Variants in SNX29 observed in about 807,000 individuals in gnomAD.
The protein encoded by SNX29 is sorting nexin-29.
Under a neutral mutation model 102.1 loss-of-function variants are expected in SNX29, and 78 were observed. The ratio of observed to expected loss-of-function variants is 0.76; its 90% CI spans 0.64 to 0.92. SNX29 has a LOEUF of 0.92. Ranked by LOEUF, SNX29 falls within the 40% of genes least tolerant of loss-of-function variation. The pLI is 0.00. For synonymous variants in SNX29, 580 were observed against 414.5 expected (o/e 1.40, Z -4.85); for missense variants, 1,280 against 1,061.7 (o/e 1.21, Z -2.86).
At chr16:12,154,560 A>G (rs567417222) in intron 13 of SNX29, among the ~76,000 whole-genome samples, 4 of 152,144 alleles carry the variant, frequency 2.6e-5, no homozygotes, top group East Asian at 1.9e-4. Context: ...CCCGTCTCCA[A>G]CTCTTCATCC....
In SNX29 at chr16:12,572,603, T is replaced by TG. The variant is rs1369239000; in HGVS notation, c.*3974_*3975insG. On this transcript the variant is annotated 3_prime_UTR_variant, in exon 21 of 21. Transcript: ENST00000566228. ...TTCTCTGGGCTCCCAGTGAGCCCCC[T>TG]CCCCTCCGGCTACCCCCAGAATCCA... 1 of 1,064,156 alleles carries TG rather than the reference T, an allele frequency of 9.4e-7. No individual in the cohort carries two copies. Among genetic ancestry groups the TG allele is most frequent in the Non-Finnish European group, 1.1e-6 (1 of 878,568 alleles). The allele number at this position is 1,064,156 out of a possible 1,614,324, so 65.9% of individuals were successfully genotyped here. A position where few individuals can be genotyped will look rare whatever the true frequency, so the allele number is the denominator to read the frequency against.
intron 18 of SNX29, among the ~76,000 whole-genome samples, chr16:12,422,888 G>A (rs573927910): frequency 3.9e-5 from 6 of 152,308 alleles, no homozygotes; most frequent in Admixed American, 3.3e-4. Flanking sequence ...GGTGGTGTAC[G>A]GAGATAGGCT....
intron 18 of SNX29, among the ~76,000 whole-genome samples, chr16:12,427,919 C>G (rs1050495202): frequency 1.3e-5 from 2 of 152,212 alleles, no homozygotes; most frequent in African/African-American, 4.8e-5. Context: ...CACTTAAACT[C>G]CAATTTAGCA....
intron 16 of SNX29, among the ~76,000 whole-genome samples, chr16:12,391,684 A>G (rs1176798057): frequency 6.6e-6 from 1 of 152,028 alleles, no homozygotes; most frequent in African/African-American, 2.4e-5. Flanking sequence ...GATGCATTTC[A>G]TAGTAAATTG....
intron 11 of SNX29, 59 bp downstream of exon 11, chr16:12,078,974 T>C (rs2151339709): frequency 7.0e-7 from 1 of 1,431,832 alleles, no homozygotes; most frequent in East Asian, 2.5e-5. Context: ...CCACGTCTCA[T>C]GGCGGTGCCT....
In SNX29 at chr16:12,573,862, C is replaced by A. The variant is rs140961090; in HGVS notation, c.*5233C>A. 4.7e-6 allele frequency: 1 copy of A among 210,528 alleles called. No homozygotes were observed. Among genetic ancestry groups the A allele is most frequent in the Non-Finnish European group, 9.6e-6 (1 of 103,722 alleles). The allele number at this position is 210,528 out of a possible 1,614,324, so 13.0% of individuals were successfully genotyped here. A position where few individuals can be genotyped will look rare whatever the true frequency, so the allele number is the denominator to read the frequency against. On this transcript the variant is annotated 3_prime_UTR_variant, in exon 21 of 21. Transcript: ENST00000566228. The stretch of plus-strand genomic sequence containing the variant: ...GGACTCATCCTAAGAAGAATGTTGG[C>A]CTCTCTTCATCCCTGGCTTAGCCGT...
intron 19 of SNX29, among the ~76,000 whole-genome samples, chr16:12,507,164 C>T (rs2089415599): frequency 6.6e-6 from 1 of 152,192 alleles, no homozygotes; most frequent in African/African-American, 2.4e-5. Context: ...CTTTCTGAGG[C>T]TGTAGACCTG....
chr16:12,299,232 G>A (rs754542290), intron 15 of SNX29, among the ~76,000 whole-genome samples: 3 of 152,088 alleles, frequency 2.0e-5, no homozygotes, highest in African/African-American at 4.8e-5. Context: ...CCCAGGAGAC[G>A]GAGGTTGCAG....
Position 12,568,524 on chromosome 16 carries a change from A to C in SNX29, c.2337A>C (p.Gly779=), listed in dbSNP as rs754692583. ...MPFFVDITPP[G]EPVNSRPKAA... ...CTTTCAGCGACATCACCCCGCCCGGAGAGCCTGTGAACAGCCGGCCCAAAG... is the reference window on the plus strand; with the variant it reads ...CTTTCAGCGACATCACCCCGCCCGGCGAGCCTGTGAACAGCCGGCCCAAAG... Residue 779 remains glycine (G), a synonymous_variant, in exon 21 of 21, where the codon GGA becomes GGC. Transcript: ENST00000566228. 1.9e-6 allele frequency: 3 copies of C among 1,609,818 alleles called. No individual in the cohort carries two copies. The highest frequency in any genetic ancestry group is 1.3e-5 in the African/African-American group (1 of 74,900).
At chr16:12,043,784 C>G (rs368275072) in intron 5 of SNX29, among the ~76,000 whole-genome samples, 1 of 152,052 alleles carries the variant, frequency 6.6e-6, no homozygotes, top group East Asian at 1.9e-4. Flanking sequence ...GACGGAGCCT[C>G]ACTCTTTTGC....
intron 20 of SNX29, among the ~76,000 whole-genome samples, chr16:12,564,567 T>TA (rs767902464): frequency 2.6e-5 from 4 of 152,184 alleles, no homozygotes; most frequent in Non-Finnish European, 4.4e-5. Context: ...TTCTTATGGA[T>TA]TGCCATCCAG....
Position 12,149,241 on chromosome 16 carries a change from CAGG to C in SNX29, c.1595+19486_1595+19488del, listed in dbSNP as rs771325604. 1.5e-3 allele frequency among the ~76,000 whole-genome samples: 223 copies of C among 152,318 alleles called. 1 individual carries two copies. Among genetic ancestry groups the C allele is most frequent in the Non-Finnish European group, 2.8e-3 (189 of 68,034 alleles). ...GTTCTTGGCAGCAGGAAGGGTAAAG[CAGG>C]AGAAGGGGAGAAAGTGTGTGCCAAC... is the stretch of plus-strand genomic sequence containing the variant. On this transcript the variant is annotated intron_variant, in intron 13 of 20. Coordinates refer to ENST00000566228, the MANE Select transcript of SNX29 (RefSeq NM_032167.5).
intron 18 of SNX29, among the ~76,000 whole-genome samples, chr16:12,404,545 G>A (rs2084087906): frequency 6.6e-6 from 1 of 151,984 alleles, no homozygotes; most frequent in Admixed American, 6.6e-5. Flanking sequence ...ATTGTCGTTA[G>A]GTTTTGTTTT....
intron 20 of SNX29, chr16:12,557,228 G>C (rs1157868922): frequency 6.6e-6 from 1 of 152,216 alleles, no homozygotes; most frequent in African/African-American, 2.4e-5. Context: ...TACGAATTTG[G>C]GAAGCTTTAC....
At chr16:12,552,410 G>T (rs942183109) in intron 20 of SNX29, among the ~76,000 whole-genome samples, 2 of 152,222 alleles carry the variant, frequency 1.3e-5, no homozygotes, top group East Asian at 3.9e-4. Flanking sequence ...CAGTGGTGAG[G>T]ACGTGGTCAG....
intron 15 of SNX29, among the ~76,000 whole-genome samples, chr16:12,281,800 G>T (rs1218211847): frequency 6.6e-6 from 1 of 152,108 alleles, no homozygotes; most frequent in Non-Finnish European, 1.5e-5. Context: ...GCTGGGCGTG[G>T]TGGCTCAAAC....
intron 15 of SNX29, among the ~76,000 whole-genome samples, chr16:12,302,604 G>T (rs550391677): frequency 6.6e-6 from 1 of 152,188 alleles, no homozygotes; most frequent in African/African-American, 2.4e-5. Flanking sequence ...AATCCCATTC[G>T]TGAGGGCTCT....
chr16:12,186,174 A>C (rs1400439993), intron 13 of SNX29, among the ~76,000 whole-genome samples: 1 of 152,180 alleles, frequency 6.6e-6, no homozygotes, highest in Non-Finnish European at 1.5e-5. Context: ...ATTACTGTAA[A>C]TCTATATATA....
chr16:12,549,524 C>CTA (rs1567174969), intron 20 of SNX29, among the ~76,000 whole-genome samples: 18 of 84,824 alleles, frequency 2.1e-4, no homozygotes, highest in Admixed American at 1.2e-4. Flanking sequence ...TTTTCATCCT[C>CTA]TATCTCAAAT....
Sources: allele counts gnomAD v4.1 joint callset (sites outside exome capture counted in the v4.1 genomes callset), GRCh38; gene constraint gnomAD v4.1.1; transcripts MANE v1.5; gene names NCBI Gene and HGNC (gene_info 2026-07-23, HGNC 2026-07-21).